Variants in MTO1 observed in about 807,000 individuals in gnomAD.
The protein encoded by MTO1 is 5-taurinomethyluridine-[tRNA] synthase subunit MTO1, mitochondrial.
In MTO1, 46 loss-of-function variants were observed where a neutral mutation model predicts 71.6. The ratio of observed to expected loss-of-function variants is 0.64; its 90% CI spans 0.51 to 0.82. The LOEUF (loss-of-function observed/expected upper bound fraction) is 0.82. Among genes scored for constraint, MTO1 ranks in the 40% least tolerant of loss-of-function variants. The pLI is 0.00. For synonymous variants in MTO1, 297 were observed against 312.1 expected (o/e 0.95, Z 0.51); for missense variants, 773 against 867.5 (o/e 0.89, Z 1.37).
rs753793965 is a variant in MTO1, at chr6:73,503,618, C to T, written c.*2883C>T. ...ATCACTGACAATAATCAGCTGCCAA[C>T]GAAAGCTGGCCATACTTGTGACTTC... On this transcript the variant is annotated 3_prime_UTR_variant, in exon 12 of 12. Transcript: ENST00000498286. 1.2e-4 allele frequency: 19 copies of T among 152,186 alleles called. No individual in the cohort carries two copies. The highest frequency in any genetic ancestry group is 2.1e-4 in the South Asian group (1 of 4,836). 9.4% of individuals were successfully genotyped at this position (152,186 alleles called of 1,614,324 possible).
At chr6:73,462,170 G>A in intron 1 of MTO1, 99 bp downstream of exon 1, 1 of 1,308,406 alleles carries the variant, frequency 7.6e-7, no homozygotes, top group Non-Finnish European at 1.1e-6. Flanking sequence ...TTTCCTCAAA[G>A]CTAGTGAGAA....
At chr6:73,488,554 C>T (rs114310661) in intron 9 of MTO1, among the ~76,000 whole-genome samples, 2,299 of 152,160 alleles carry the variant, frequency 0.015, 54 homozygotes, top group African/African-American at 0.052. Flanking sequence ...CAAATATTTT[C>T]TCCCATTCTG....
intron 3 of MTO1, chr6:73,471,441 TTCTC>T: frequency 2.2e-6 from 1 of 450,860 alleles, no homozygotes; most frequent in African/African-American, 2.0e-5. Flanking sequence ...TTGAGACAAG[TTCTC>T]TCCCTCTTTC....
Position 73,502,904 on chromosome 6 carries a change from A to AG in MTO1, c.*2169_*2170insG, listed in dbSNP as rs1218020755. On this transcript the variant is annotated 3_prime_UTR_variant, in exon 12 of 12. Coordinates refer to ENST00000498286, the MANE Select transcript of MTO1 (RefSeq NM_012123.4). ...GAGTGAGACTCTGTCTCAAAAAAAAAAAAAGAAACAGGAAGTTCAAATATT... is the reference window on the plus strand; with the variant it reads ...GAGTGAGACTCTGTCTCAAAAAAAAAGAAAAGAAACAGGAAGTTCAAATATT... 6.6e-6 allele frequency: 1 copy of AG among 152,160 alleles called. No homozygotes were observed. The highest frequency in any genetic ancestry group is 2.4e-5 in the African/African-American group (1 of 41,410). The allele number at this position is 152,160 out of a possible 1,614,324, so 9.4% of individuals were successfully genotyped here.
intron 7 of MTO1, among the ~76,000 whole-genome samples, chr6:73,481,530 G>C (rs1771492169): frequency 1.3e-5 from 2 of 152,094 alleles, no homozygotes; most frequent in Non-Finnish European, 2.9e-5. Context: ...ACTCTGGGAG[G>C]CTGAGGAGAG....
intron 9 of MTO1, chr6:73,486,614 C>G: frequency 2.3e-6 from 1 of 435,040 alleles, no homozygotes; most frequent in South Asian, 1.6e-5. Context: ...TGGCAGACAT[C>G]TTAATCCCAG....
At chr6:73,499,827 T>C (rs538892188) in intron 11 of MTO1, among the ~76,000 whole-genome samples, 1 of 152,374 alleles carries the variant, frequency 6.6e-6, no homozygotes, top group African/African-American at 2.4e-5. Context: ...ATATGGTCTT[T>C]ATACTGTTCA....
At chr6:73,467,644 T>TAA in intron 3 of MTO1, among the ~76,000 whole-genome samples, 1 of 52,220 alleles carries the variant, frequency 1.9e-5, no homozygotes, top group Non-Finnish European at 5.1e-5. Flanking sequence ...TAAATAAATA[T>TAA]AAAAGAAATT....
At chr6:73,466,077 G>T in intron 1 of MTO1, 132 bp from the exon 2 acceptor site, 1 of 887,660 alleles carries the variant, frequency 1.1e-6, no homozygotes, top group Non-Finnish European at 1.7e-6. Context: ...TTTCTTTGTA[G>T]TATATCTTTC....
intron 3 of MTO1, 96 bp downstream of exon 3, chr6:73,466,702 C>T (rs1771009082): frequency 9.3e-7 from 1 of 1,070,510 alleles, no homozygotes; most frequent in Admixed American, 2.1e-5. Flanking sequence ...GTTGCTTATT[C>T]AAGGAACTTG....
chr6:73,490,420 T>A (rs1277923943), intron 9 of MTO1, among the ~76,000 whole-genome samples: 1 of 152,170 alleles, frequency 6.6e-6, no homozygotes, highest in African/African-American at 2.4e-5. Flanking sequence ...TTTTATGGTT[T>A]TAGGTCTAAT....
At chr6:73,467,857 CTG>C (rs1305239674) in intron 3 of MTO1, among the ~76,000 whole-genome samples, 1 of 152,000 alleles carries the variant, frequency 6.6e-6, no homozygotes, top group African/African-American at 2.4e-5. Context: ...GAGTCTCACT[CTG>C]TGCCAGGCTG....
At chr6:73,474,319 G>A (rs1426299685) in intron 4 of MTO1, among the ~76,000 whole-genome samples, 1 of 151,118 alleles carries the variant, frequency 6.6e-6, no homozygotes, top group East Asian at 2.0e-4. Context: ...TCCTGACCTC[G>A]TGATCCACCC....
intron 4 of MTO1, among the ~76,000 whole-genome samples, chr6:73,475,826 G>A (rs72960039): frequency 0.017 from 2,625 of 151,940 alleles, 42 homozygotes; most frequent in Non-Finnish European, 0.027. Context: ...TCAAACTCTT[G>A]ACCTCAGGTG....
chr6:73,473,182 G>A (rs191118171), intron 3 of MTO1, among the ~76,000 whole-genome samples, 183 bp from the exon 4 acceptor site: 10 of 152,316 alleles, frequency 6.6e-5, no homozygotes, highest in Admixed American at 5.9e-4. Context: ...GGGAGGCTGA[G>A]GCAGGAGAAT....
chr6:73,479,366 A>G (rs1396072793), intron 4 of MTO1, among the ~76,000 whole-genome samples: 1 of 152,002 alleles, frequency 6.6e-6, no homozygotes, highest in Non-Finnish European at 1.5e-5. Context: ...GTAGTGGTGC[A>G]TGCCTGTGAT....
At chr6:73,485,704 G>T (rs1178031917) in intron 9 of MTO1, among the ~76,000 whole-genome samples, 2 of 152,224 alleles carry the variant, frequency 1.3e-5, no homozygotes, top group Non-Finnish European at 2.9e-5. Flanking sequence ...GCCTCCCAAA[G>T]TGCTGGGATT....
chr6:73,462,185 A>G (rs1445144362), intron 1 of MTO1, 114 bp downstream of exon 1: 1 of 1,188,446 alleles, frequency 8.4e-7, no homozygotes, highest in South Asian at 1.4e-5. Flanking sequence ...TGAGAATCCT[A>G]CCTTCTGTGG....
rs1409364952 is a variant in MTO1 at position 73,480,027 on chromosome 6, A to G, written c.1030A>G (p.Ile344Val). ...LEPEGMDSDL[I>V]YPQGLSMTLP... is the part of the protein sequence containing the mutation. Reference sequence around the variant, plus strand: ...ACCTGAAGGAATGGATTCTGACCTTATCTACCCACAGGGGTTATCTATGAC... The same window carrying G: ...ACCTGAAGGAATGGATTCTGACCTTGTCTACCCACAGGGGTTATCTATGAC... Residue 344 changes from isoleucine to valine, a missense_variant, in exon 6 of 12, where the codon ATC becomes GTC. By Grantham distance (29) the Ile-to-Val change is conservative. Coordinates refer to ENST00000498286, the MANE Select transcript of MTO1 (RefSeq NM_012123.4). The G allele has an allele frequency of 1.1e-5, 17 of 1,614,158 alleles. No individual in the cohort carries two copies. Among genetic ancestry groups the G allele is most frequent in the Non-Finnish European group, 1.4e-5 (16 of 1,180,004 alleles).
Sources: gnomAD v4.1 joint callset for allele counts (sites outside exome capture counted in the v4.1 genomes callset) on GRCh38, gnomAD v4.1.1 for gene constraint, MANE v1.5 for transcripts, NCBI Gene and HGNC (gene_info 2026-07-23, HGNC 2026-07-21) for gene names.